HECW1: variants seen among roughly 807,000 people sequenced by gnomAD.
The protein encoded by HECW1 is E3 ubiquitin-protein ligase HECW1.
HECW1 carries 61 observed loss-of-function variants against 182.3 expected under a neutral mutation model. The ratio of observed to expected loss-of-function variants is 0.33; its 90% confidence interval spans 0.27 to 0.41. The LOEUF (loss-of-function observed/expected upper bound fraction) is 0.41, where lower values mean the gene tolerates loss of function less well. HECW1 is among the 10% of genes least tolerant of loss of function. The pLI is 1.00. For missense variants in HECW1, 1,739 were observed against 2,108.9 expected (o/e 0.82, Z 3.44); for synonymous variants, 859 against 832.6 (o/e 1.03, Z -0.55).
intron 8 of HECW1, among the ~76,000 whole-genome samples, chr7:43,422,909 A>G (rs1430552162): frequency 1.3e-5 from 2 of 148,330 alleles, no homozygotes; most frequent in Non-Finnish European, 3.0e-5. Flanking sequence ...TCACCTGGAG[A>G]TAAATCGCAG....
chr7:43,161,299 G>T lies in HECW1; in HGVS notation c.-32+46908G>T, dbSNP rs557826146. 5.3e-5 allele frequency among the ~76,000 whole-genome samples: 8 copies of T among 152,228 alleles called. No homozygotes were observed. The East Asian group carries it at 7.7e-4, about 15-fold the overall frequency. On this transcript the variant is annotated intron_variant, in intron 2 of 29. Transcript: ENST00000395891. ...TTATTTTTCATTATGTTGGTTAATG[G>T]TATTCCTATTGGTAATGTTTTAGAT...
At position 43,414,713 on chromosome 7, in the gene HECW1, T is replaced by C. The variant is rs544792277; in HGVS notation, c.801+6982T>C. Among the ~76,000 whole-genome samples, 31 of 148,710 alleles carry C rather than the reference T, an allele frequency of 2.1e-4. No individual in the cohort carries two copies. In the South Asian group the frequency reaches 6.2e-3, roughly 30 times the overall value. Reference sequence around the variant, plus strand: ...GCTTTTTCTGCATCTATTGAGATAATCATGTGGTTTTTGTCTTTGGCTCTG... The same window carrying C: ...GCTTTTTCTGCATCTATTGAGATAACCATGTGGTTTTTGTCTTTGGCTCTG... On this transcript the variant is annotated intron_variant, in intron 8 of 29. Transcript: ENST00000395891.
intron 2 of HECW1, among the ~76,000 whole-genome samples, chr7:43,124,270 G>A (rs1394025038): frequency 6.6e-6 from 1 of 152,162 alleles, no homozygotes; most frequent in Non-Finnish European, 1.5e-5. Flanking sequence ...TTTACATTTA[G>A]CACATGTTGG....
intron 12 of HECW1, among the ~76,000 whole-genome samples, chr7:43,452,199 T>C (rs1362858222): frequency 6.6e-6 from 1 of 152,236 alleles, no homozygotes; most frequent in African/African-American, 2.4e-5. Flanking sequence ...TCACTACAAA[T>C]ACTTCCTAGG....
At chr7:43,298,930 A>C (rs1194642932) in intron 3 of HECW1, among the ~76,000 whole-genome samples, 1 of 152,214 alleles carries the variant, frequency 6.6e-6, no homozygotes, top group Non-Finnish European at 1.5e-5. Flanking sequence ...AAAAATGGAA[A>C]ATTAGAGATG....
At chr7:43,366,620 T>A (rs1196094090) in intron 6 of HECW1, among the ~76,000 whole-genome samples, 8 of 152,182 alleles carry the variant, frequency 5.3e-5, no homozygotes. Flanking sequence ...AACTTTATAA[T>A]AAATGGTCTT....
In HECW1 at chr7:43,530,731, C is replaced by G. The variant is rs2152946821; in HGVS notation, c.4020-10432C>G. ...ATCCTCCTCCAAGTTAATAATTAAT[C>G]TCTCCCACCAAGCCACTTCTTCCTG... On this transcript the variant is annotated intron_variant, in intron 24 of 29. Coordinates refer to ENST00000395891, the MANE Select transcript of HECW1 (RefSeq NM_015052.5). Among the ~76,000 whole-genome samples the G allele has an allele frequency of 2.0e-5, 3 of 152,274 alleles. No homozygotes were observed. The Middle Eastern group carries it at 0.01, about 518-fold the overall frequency.
At chr7:43,406,187 T>C (rs2075603789) in intron 7 of HECW1, among the ~76,000 whole-genome samples, 1 of 152,216 alleles carries the variant, frequency 6.6e-6, no homozygotes, top group African/African-American at 2.4e-5. Flanking sequence ...GCCCTGGGTC[T>C]AGGGAGTAAC....
At chr7:43,349,657 C>G (rs138423611) in intron 5 of HECW1, among the ~76,000 whole-genome samples, 417 of 152,280 alleles carry the variant, frequency 2.7e-3, no homozygotes, top group African/African-American at 9.7e-3. Context: ...TTTGTTTTGT[C>G]TTATATAATA....
chr7:43,216,894 A>G (rs1284158135), intron 2 of HECW1, among the ~76,000 whole-genome samples: 1 of 151,978 alleles, frequency 6.6e-6, no homozygotes, highest in Non-Finnish European at 1.5e-5. Flanking sequence ...GCCTCAAGTG[A>G]TCCTCCCATC....
At chr7:43,138,367 A>G (rs1787793972) in intron 2 of HECW1, among the ~76,000 whole-genome samples, 1 of 152,196 alleles carries the variant, frequency 6.6e-6, no homozygotes, top group Non-Finnish European at 1.5e-5. Context: ...TTTTGTTTTT[A>G]TGTCTGTTTT....
chr7:43,168,499 T>A (rs1042684683), intron 2 of HECW1, among the ~76,000 whole-genome samples: 41 of 150,934 alleles, frequency 2.7e-4, no homozygotes, highest in African/African-American at 3.9e-4. Flanking sequence ...CTTCTCAAAA[T>A]TTTTTTTTAA....
chr7:43,440,809 C>T (rs1409069808), intron 9 of HECW1, among the ~76,000 whole-genome samples: 1 of 152,112 alleles, frequency 6.6e-6, no homozygotes. Flanking sequence ...TTTTTCTGCA[C>T]ATAATGCTTT....
rs1291575041 is a variant in HECW1 at position 43,444,172 on chromosome 7, A to G, written c.1046-46A>G. The G allele has an allele frequency of 4.5e-6, 7 of 1,547,688 alleles. No individual in the cohort carries two copies. Among genetic ancestry groups the G allele is most frequent in the South Asian group, 1.2e-5 (1 of 81,226 alleles). The stretch of plus-strand genomic sequence containing the variant: ...TCCCACAGGGTATCCTAACACCACA[A>G]TGCTCTCTTCTGGGAGAAATGACAT... On this transcript the variant is annotated intron_variant, in intron 10 of 29. Transcript: ENST00000395891. This position sits in a 1 kb window ranked among gnomAD's most constrained non-coding sequence, Gnocchi z 4.3.
intron 5 of HECW1, among the ~76,000 whole-genome samples, chr7:43,336,453 C>T (rs1812301993): frequency 6.6e-6 from 1 of 152,062 alleles, no homozygotes; most frequent in Non-Finnish European, 1.5e-5. Context: ...CAGGTGTGAG[C>T]CACCACTCCC....
intron 2 of HECW1, among the ~76,000 whole-genome samples, chr7:43,131,341 G>A (rs540915001): frequency 6.6e-6 from 1 of 152,202 alleles, no homozygotes; most frequent in Non-Finnish European, 1.5e-5. Flanking sequence ...ACAGATGGGA[G>A]TACTGAGACC....
chr7:43,366,234 C>T (rs564602325), intron 6 of HECW1, among the ~76,000 whole-genome samples: 20 of 152,168 alleles, frequency 1.3e-4, no homozygotes, highest in African/African-American at 4.6e-4. Context: ...AAAGGCAACT[C>T]AATAGGACAT....
intron 5 of HECW1, among the ~76,000 whole-genome samples, chr7:43,353,693 A>T (rs1055398984): frequency 3.9e-5 from 6 of 152,198 alleles, no homozygotes; most frequent in African/African-American, 1.4e-4. Flanking sequence ...CTCATGATTT[A>T]TACACTGGAA....
At chr7:43,261,483 T>G (rs1321410690) in intron 3 of HECW1, among the ~76,000 whole-genome samples, 1 of 152,134 alleles carries the variant, frequency 6.6e-6, no homozygotes, top group African/African-American at 2.4e-5. Flanking sequence ...CTGCCCCAAG[T>G]GCAAGGCAGT....
Sources: allele counts gnomAD v4.1 joint callset (sites outside exome capture counted in the v4.1 genomes callset), GRCh38; gene constraint gnomAD v4.1.1; non-coding constraint Gnocchi (gnomAD v3.1); transcripts MANE v1.5; gene names NCBI Gene and HGNC (gene_info 2026-07-23, HGNC 2026-07-21).